Variants in ZNF100 observed in about 807,000 individuals in gnomAD.
ZNF100 encodes the protein zinc finger protein 100 (Y1).
ZNF100 carries 12 observed loss-of-function variants against 15.8 expected under a neutral mutation model. The observed-to-expected ratio is 0.76, with a 90% CI of 0.49 to 1.23. The LOEUF is 1.23. ZNF100 is among the 50% of genes most tolerant of loss of function. ZNF100 has a pLI of 0.00. For synonymous variants in ZNF100, 226 were observed against 214.8 expected (o/e 1.05, Z -0.45); for missense variants, 670 against 635.6 (o/e 1.05, Z -0.58).
At chr19:21,760,820 G>A (rs986422807) in intron 2 of ZNF100, among the ~76,000 whole-genome samples, 5 of 142,066 alleles carry the variant, frequency 3.5e-5, no homozygotes, top group African/African-American at 1.1e-4. Context: ...GCAGTGGTGC[G>A]ATCTCGGCTC....
chr19:21,741,007 G>A (rs2036097055), intron 4 of ZNF100, among the ~76,000 whole-genome samples: 2 of 152,094 alleles, frequency 1.3e-5, no homozygotes, highest in Admixed American at 1.3e-4. Flanking sequence ...AAAGGCTGAG[G>A]CAACCCGGGT....
At chr19:21,733,375 ATTGTT>A (rs1348320383) in intron 4 of ZNF100, among the ~76,000 whole-genome samples, 1 of 152,222 alleles carries the variant, frequency 6.6e-6, no homozygotes, top group Non-Finnish European at 1.5e-5. Flanking sequence ...ATTAAAATAC[ATTGTT>A]TTAACTTTAA....
chr19:21,727,737 G>C lies in ZNF100; in HGVS notation c.575C>G (p.Ser192Ter), dbSNP rs540273639. The C allele has an allele frequency of 1.9e-6, 3 of 1,613,790 alleles. No individual in the cohort carries two copies. The highest frequency in any genetic ancestry group is 1.7e-5 in the Admixed American group (1 of 60,000). ...AGTATGTCTTATCTTATGTCTGTTT[G>C]AATTTGAAAATGTATGAAAGACTTT... ...SAKVFHTFSNSNRHKIRHTRK... is the reference protein window; with the variant it reads ...SAKVFHTFSN The change falls in exon 5 of 5, where the codon TCA (serine) becomes TGA (stop). Residue 192 changes from serine to a stop codon, truncating the protein, a stop_gained. Coordinates refer to ENST00000358296, the MANE Select transcript of ZNF100 (RefSeq NM_173531.4). LOFTEE classifies it low-confidence loss of function (END_TRUNC).
chr19:21,747,166 C>T (rs1401632660), intron 2 of ZNF100, among the ~76,000 whole-genome samples: 1 of 152,210 alleles, frequency 6.6e-6, no homozygotes, highest in Non-Finnish European at 1.5e-5. Flanking sequence ...CCTGTCCCTA[C>T]CAAACCCAAA....
chr19:21,727,094 G>T lies in ZNF100; in HGVS notation c.1218C>A (p.Cys406Ter), dbSNP rs147769781. 1.2e-6 allele frequency: 2 copies of T among 1,602,030 alleles called. No individual in the cohort carries two copies. The highest frequency in any genetic ancestry group is 1.7e-6 in the Non-Finnish European group (2 of 1,175,752). The stretch of plus-strand genomic sequence containing the variant: ...CTGAGGACCAGTTAAAGCCTTTGCC[G>T]CATTCTTCACATTTGTAGAATTTCT... Reference protein sequence around the residue: ...TGEKFYKCEECGKGFNWSSAL... With the variant: ...TGEKFYKCEE Residue 406 changes from cysteine to a stop codon, truncating the protein, a stop_gained, in exon 5 of 5, where the codon TGC becomes TGA. Transcript: ENST00000358296. LOFTEE classifies it low-confidence loss of function (END_TRUNC).
intron 4 of ZNF100, among the ~76,000 whole-genome samples, chr19:21,733,237 A>G (rs1568293478): frequency 6.6e-6 from 1 of 152,238 alleles, no homozygotes; most frequent in Non-Finnish European, 1.5e-5. Context: ...TAGATATAAA[A>G]AACAAGATAT....
rs542286659 is a variant in ZNF100, at chr19:21,730,219, G to A, written c.323-2230C>T. Among the ~76,000 whole-genome samples, 56 of 151,618 alleles carry A rather than the reference G, an allele frequency of 3.7e-4. 1 individual carries two copies. The highest frequency in any genetic ancestry group is 6.9e-4 in the Non-Finnish European group (47 of 67,826). Reference sequence around the variant, plus strand: ...ACTGAGATCCAACTTGCCTTTCTACGACAGTAAGCTGAGATCTATTGATTA... The same window carrying A: ...ACTGAGATCCAACTTGCCTTTCTACAACAGTAAGCTGAGATCTATTGATTA... On this transcript the variant is annotated intron_variant, in intron 4 of 4. Transcript: ENST00000358296.
chr19:21,759,303 A>C (rs1258249348), intron 2 of ZNF100, among the ~76,000 whole-genome samples: 1 of 152,220 alleles, frequency 6.6e-6, no homozygotes, highest in African/African-American at 2.4e-5. Flanking sequence ...TGTATAGAAC[A>C]AAAAGAAGAG....
rs2035845548 is a variant in ZNF100, at chr19:21,728,020, A to G, written c.323-31T>C. The G allele has an allele frequency of 2.1e-6, 3 of 1,453,324 alleles. No individual in the cohort carries two copies. The African/African-American group carries it at 4.3e-5, about 21-fold the overall frequency. The allele number at this position is 1,453,324 out of a possible 1,614,324, so 90.0% of individuals were successfully genotyped here. A position where few individuals can be genotyped will look rare whatever the true frequency, so the allele number is the denominator to read the frequency against. ...AGAAATAAAAATAACAAATTACTTT[A>G]CTTACTAGACACAGATAGTTTACAA... On this transcript the variant is annotated intron_variant, in intron 4 of 4. Coordinates refer to ENST00000358296, the MANE Select transcript of ZNF100 (RefSeq NM_173531.4).
In ZNF100 at chr19:21,727,191, T is replaced by C. The variant is rs750324077; in HGVS notation, c.1121A>G (p.Lys374Arg). Residue 374 changes from lysine to arginine, a missense_variant, in exon 5 of 5, where the codon AAA becomes AGA. Transcript: ENST00000358296. ...AAAAGCTTTGCCACATTCTTCACAT[T>C]TGTAAGGTTTCTCTCCAGCATGAGT... ...KITHAGEKPY[K>R]CEECGKAFYR... 6.8e-6 allele frequency: 11 copies of C among 1,613,696 alleles called. No individual in the cohort carries two copies. The highest frequency in any genetic ancestry group is 9.3e-6 in the Non-Finnish European group (11 of 1,179,898).
rs1265600130 is a variant in ZNF100, at chr19:21,726,386, TA to T, written c.*296del. The T allele has an allele frequency of 6.6e-5, 22 of 333,166 alleles. No individual in the cohort carries two copies. The highest frequency in any genetic ancestry group is 1.1e-4 in the Non-Finnish European group (21 of 183,734). 20.6% of individuals were successfully genotyped at this position (333,166 alleles called of 1,614,324 possible). ...TGTAGAAGTTTTCTCCAGTATAACT[TA>T]CCTTACCTACAATCAAGTGTGACAA... On this transcript the variant is annotated 3_prime_UTR_variant, in exon 5 of 5. Coordinates refer to ENST00000358296, the MANE Select transcript of ZNF100 (RefSeq NM_173531.4).
chr19:21,745,058 T>C lies in ZNF100; in HGVS notation c.106A>G (p.Thr36Ala). 1 of 1,611,948 alleles carries C rather than the reference T, an allele frequency of 6.2e-7. No homozygotes were observed. Among genetic ancestry groups the C allele is most frequent in the Non-Finnish European group, 8.5e-7 (1 of 1,179,500 alleles). ...AATTCTATGGCCACATCCCTAAACGTCAATGGCCCCTGAAAAGCACAAGCA... is the reference window on the plus strand; with the variant it reads ...AATTCTATGGCCACATCCCTAAACGCCAATGGCCCCTGAAAAGCACAAGCA... Reference protein sequence around the residue: ...VQSYFEKGPLTFRDVAIEFSL... With the variant: ...VQSYFEKGPLAFRDVAIEFSL... Residue 36 changes from threonine to alanine, a missense_variant, in exon 3 of 5, where the codon ACG becomes GCG. Coordinates refer to ENST00000358296, the MANE Select transcript of ZNF100 (RefSeq NM_173531.4).
intron 4 of ZNF100, among the ~76,000 whole-genome samples, chr19:21,734,908 A>G (rs2035981881): frequency 6.6e-6 from 1 of 152,186 alleles, no homozygotes; most frequent in African/African-American, 2.4e-5. Context: ...AATATTCAGC[A>G]TTCTTAAAAA....
In ZNF100 at chr19:21,727,290, C is replaced by A. The variant is rs552929373; in HGVS notation, c.1022G>T (p.Gly341Val). The A allele has an allele frequency of 6.2e-7, 1 of 1,613,122 alleles. No individual in the cohort carries two copies. Among genetic ancestry groups the A allele is most frequent in the African/African-American group, 1.3e-5 (1 of 75,004 alleles). The change falls in exon 5 of 5, where the codon GGA becomes GTA. Residue 341 changes from glycine to valine, a missense_variant. Physicochemically the swap from Gly to Val is moderately radical, Grantham distance 109. Coordinates refer to ENST00000358296, the MANE Select transcript of ZNF100 (RefSeq NM_173531.4). ...TTCTTCACATTTGTAGGGTTTCTCT[C>A]CAGTATGAATTATCCTGTGTGTAGT... ...HLTTHRIIHT[G>V]EKPYKCEECG... is the part of the protein sequence containing the mutation.
At chr19:21,729,854 A>T (rs35161629) in intron 4 of ZNF100, among the ~76,000 whole-genome samples, 13,971 of 152,058 alleles carry the variant, frequency 0.092, 857 homozygotes, top group South Asian at 0.18. Context: ...TGAGGGGAGA[A>T]GTAATGAGAA....
At chr19:21,746,589 T>C (rs1343649395) in intron 2 of ZNF100, among the ~76,000 whole-genome samples, 2 of 152,146 alleles carry the variant, frequency 1.3e-5, no homozygotes, top group East Asian at 3.9e-4. Flanking sequence ...AAATTCATGG[T>C]AGGAATTCTG....
rs1255283414 is a variant in ZNF100 at position 21,724,668 on chromosome 19, C to G, written c.*2015G>C. The G allele has an allele frequency of 6.6e-6, 1 of 151,966 alleles. No individual in the cohort carries two copies. The highest frequency in any genetic ancestry group is 1.5e-5 in the Non-Finnish European group (1 of 68,004). 9.4% of individuals were successfully genotyped at this position (151,966 alleles called of 1,614,324 possible). A position where few individuals can be genotyped will look rare whatever the true frequency, so the allele number is the denominator to read the frequency against. ...TTTACCCTGATGTGATTATTATATACTGTATTCTTGTATCAAAATATGCCA... is the reference window on the plus strand; with the variant it reads ...TTTACCCTGATGTGATTATTATATAGTGTATTCTTGTATCAAAATATGCCA... On this transcript the variant is annotated 3_prime_UTR_variant, in exon 5 of 5. Coordinates refer to ENST00000358296, the MANE Select transcript of ZNF100 (RefSeq NM_173531.4).
chr19:21,765,593 T>C (rs2145752024), intron 2 of ZNF100, 101 bp downstream of exon 2: 2 of 1,021,580 alleles, frequency 2.0e-6, no homozygotes, highest in Middle Eastern at 5.1e-4. Flanking sequence ...TATTTTTGTG[T>C]TTCCCCTCAA....
Position 21,744,171 on chromosome 19 carries a change from G to C in ZNF100, c.224-56C>G. On this transcript the variant is annotated intron_variant, in intron 3 of 4. Coordinates refer to ENST00000358296, the MANE Select transcript of ZNF100 (RefSeq NM_173531.4). Reference sequence around the variant, plus strand: ...CTCATATTCTCCAATTACCAACCTAGTACTATGCTTAGTAAAGAGGAGGTG... The same window carrying C: ...CTCATATTCTCCAATTACCAACCTACTACTATGCTTAGTAAAGAGGAGGTG... 15 of 1,441,090 alleles carry C rather than the reference G, an allele frequency of 1.0e-5. No individual in the cohort carries two copies. The South Asian group carries it at 2.3e-4, about 22-fold the overall frequency. The allele number at this position is 1,441,090 out of a possible 1,614,324, so 89.3% of individuals were successfully genotyped here.
Sources: gnomAD v4.1 joint callset for allele counts (sites outside exome capture counted in the v4.1 genomes callset) on GRCh38, gnomAD v4.1.1 for gene constraint, MANE v1.5 for transcripts, NCBI Gene and HGNC (gene_info 2026-07-23, HGNC 2026-07-21) for gene names.